FER: variants seen among roughly 807,000 people sequenced by gnomAD.
The protein encoded by FER is FER tyrosine kinase.
In FER, 63 loss-of-function variants were observed where a neutral mutation model predicts 111.0. The ratio of observed to expected loss-of-function variants is 0.57; its 90% CI spans 0.46 to 0.70. FER has a LOEUF of 0.70. FER is among the 30% of genes least tolerant of loss of function. The pLI, the probability that FER is intolerant of heterozygous loss-of-function variation, is 0.00. For missense variants in FER, 914 were observed against 954.0 expected, an observed-to-expected ratio of 0.96 and a Z score of 0.55; for synonymous variants, 327 against 313.9, an observed-to-expected ratio of 1.04 and a Z score of -0.44.
intron 13 of FER, among the ~76,000 whole-genome samples, chr5:109,030,902 C>T (rs530641519): frequency 6.6e-6 from 1 of 152,202 alleles, no homozygotes; most frequent in South Asian, 2.1e-4. Flanking sequence ...TGTTATTTCT[C>T]AGTTGGGAAG....
chr5:108,845,024 AT>A lies in FER; in HGVS notation c.481+9218del, dbSNP rs1561502998. Reference sequence around the variant, plus strand: ...TATATATATATATATATATATATATATATATATATATATATACATATATATA... The same window carrying A: ...TATATATATATATATATATATATATAATATATATATATATACATATATATA... On this transcript the variant is annotated intron_variant, in intron 5 of 19. Transcript: ENST00000281092. Among the ~76,000 whole-genome samples, 16 of 52,142 alleles carry A rather than the reference AT, an allele frequency of 3.1e-4. 1 individual carries two copies. Among genetic ancestry groups the A allele is most frequent in the African/African-American group, 1.1e-3 (16 of 14,968 alleles). The allele number at this position is 52,142 out of a possible 152,430, so 34.2% of individuals were successfully genotyped here. A position where few individuals can be genotyped will look rare whatever the true frequency, so the allele number is the denominator to read the frequency against.
chr5:108,786,523 C>CG (rs1341504041), intron 2 of FER, among the ~76,000 whole-genome samples: 1 of 152,046 alleles, frequency 6.6e-6, no homozygotes, highest in East Asian at 1.9e-4. Context: ...TTTTTTGAGA[C>CG]GGAGTCTTGC....
chr5:109,083,324 A>T (rs1322789722), intron 16 of FER, among the ~76,000 whole-genome samples: 2 of 152,030 alleles, frequency 1.3e-5, no homozygotes, highest in African/African-American at 4.8e-5. Flanking sequence ...CTTAATGAAA[A>T]TATTGAAAAG....
chr5:108,775,734 A>T (rs1466882716), intron 2 of FER, among the ~76,000 whole-genome samples: 1 of 152,220 alleles, frequency 6.6e-6, no homozygotes, highest in Non-Finnish European at 1.5e-5. Flanking sequence ...TTAAGAAAGC[A>T]TAGGAGGAGT....
chr5:109,147,852 A>G (rs1310004249), intron 17 of FER, among the ~76,000 whole-genome samples: 2 of 151,610 alleles, frequency 1.3e-5, no homozygotes, highest in Non-Finnish European at 2.9e-5. Flanking sequence ...TACTAGTGAA[A>G]CACACCAAAA....
chr5:108,838,678 G>A (rs929204213), intron 5 of FER, among the ~76,000 whole-genome samples: 1 of 152,078 alleles, frequency 6.6e-6, no homozygotes, highest in Non-Finnish European at 1.5e-5. Context: ...ACTCGTTTAT[G>A]TTTAGTATAA....
At position 109,187,823 on chromosome 5, in the gene FER, G is replaced by A; in HGVS notation, c.*248G>A. ...AGCAATCCTACCATTTCAGGCCATT[G>A]CAAATAGAAAAGCACAGGCTTCTAA... On this transcript the variant is annotated 3_prime_UTR_variant, in exon 20 of 20. Coordinates refer to ENST00000281092, the MANE Select transcript of FER (RefSeq NM_005246.4). 2 of 494,776 alleles carry A rather than the reference G, an allele frequency of 4.0e-6. No individual in the cohort carries two copies. Among genetic ancestry groups the A allele is most frequent in the Non-Finnish European group, 7.2e-6 (2 of 276,642 alleles). 30.6% of individuals were successfully genotyped at this position (494,776 alleles called of 1,614,324 possible). A position where few individuals can be genotyped will look rare whatever the true frequency, so the allele number is the denominator to read the frequency against.
intron 13 of FER, among the ~76,000 whole-genome samples, chr5:109,014,279 C>T (rs1766719942): frequency 6.6e-6 from 1 of 152,120 alleles, no homozygotes; most frequent in African/African-American, 2.4e-5. Flanking sequence ...AGGAAGGGAT[C>T]CAGTTTCAGC....
At chr5:108,907,879 T>C (rs369032138) in intron 10 of FER, among the ~76,000 whole-genome samples, 14 of 152,262 alleles carry the variant, frequency 9.2e-5, no homozygotes, top group African/African-American at 3.4e-4. Context: ...ATCAATTGAT[T>C]GACACCCAAA....
chr5:108,855,888 G>A (rs767718727), intron 5 of FER, among the ~76,000 whole-genome samples: 5 of 151,488 alleles, frequency 3.3e-5, no homozygotes, highest in African/African-American at 9.7e-5. Flanking sequence ...TCAGTTTTGC[G>A]GTAAAGGGGA....
intron 10 of FER, among the ~76,000 whole-genome samples, chr5:108,912,975 C>G (rs546851466): frequency 6.6e-6 from 1 of 152,076 alleles, no homozygotes; most frequent in Non-Finnish European, 1.5e-5. Context: ...ATCCAAGGAA[C>G]TTTGAGGCCT....
At chr5:108,857,928 T>A (rs1763155206) in intron 5 of FER, among the ~76,000 whole-genome samples, 1 of 152,210 alleles carries the variant, frequency 6.6e-6, no homozygotes, top group African/African-American at 2.4e-5. Context: ...CATCTTATAC[T>A]TTTCCTACTT....
chr5:109,139,725 A>G (rs1288087338), intron 17 of FER, among the ~76,000 whole-genome samples: 1 of 152,112 alleles, frequency 6.6e-6, no homozygotes, highest in Non-Finnish European at 1.5e-5. Context: ...TAATATGGGA[A>G]CACACATTTT....
At position 109,189,710 on chromosome 5, in the gene FER, A is replaced by T. The variant is rs1406041881; in HGVS notation, c.*2135A>T. 1 of 152,142 alleles carries T rather than the reference A, an allele frequency of 6.6e-6. No homozygotes were observed. The highest frequency in any genetic ancestry group is 2.4e-5 in the African/African-American group (1 of 41,434). 9.4% of individuals were successfully genotyped at this position (152,142 alleles called of 1,614,324 possible). A position where few individuals can be genotyped will look rare whatever the true frequency, so the allele number is the denominator to read the frequency against. Reference sequence around the variant, plus strand: ...TAATATTCTTTGTCTGTTTAAAGAAAACAGCCTCCCATCTCATAGTGGCTT... The same window carrying T: ...TAATATTCTTTGTCTGTTTAAAGAATACAGCCTCCCATCTCATAGTGGCTT... On this transcript the variant is annotated 3_prime_UTR_variant, in exon 20 of 20. Coordinates refer to ENST00000281092, the MANE Select transcript of FER (RefSeq NM_005246.4).
intron 13 of FER, among the ~76,000 whole-genome samples, chr5:109,003,959 G>A (rs72790520): frequency 6.6e-6 from 1 of 152,114 alleles, no homozygotes; most frequent in African/African-American, 2.4e-5. Context: ...CAGCCTGGGC[G>A]ACGGTGTAAG....
intron 16 of FER, among the ~76,000 whole-genome samples, chr5:109,062,641 G>A (rs1896582): frequency 0.16 from 25,032 of 151,988 alleles, 2,140 homozygotes; most frequent in South Asian, 0.21. Context: ...AATGAAAGAT[G>A]CCGTGATGAA....
chr5:108,783,180 G>A (rs1298859365), intron 2 of FER, among the ~76,000 whole-genome samples: 1 of 152,014 alleles, frequency 6.6e-6, no homozygotes, highest in East Asian at 1.9e-4. Flanking sequence ...GTTTGGATTG[G>A]GTGAATTCTG....
chr5:109,182,242 A>T (rs990804634), intron 18 of FER, among the ~76,000 whole-genome samples: 11 of 152,228 alleles, frequency 7.2e-5, no homozygotes, highest in African/African-American at 2.7e-4. Context: ...AATGTTTTCC[A>T]GATAAAGCTT....
chr5:108,823,178 C>G (rs1039926010), intron 3 of FER, among the ~76,000 whole-genome samples: 1 of 152,156 alleles, frequency 6.6e-6, no homozygotes, highest in African/African-American at 2.4e-5. Flanking sequence ...GGGGATCAAA[C>G]TTTAACGTGA....
Sources: allele counts gnomAD v4.1 joint callset (sites outside exome capture counted in the v4.1 genomes callset), GRCh38; gene constraint gnomAD v4.1.1; transcripts MANE v1.5; gene names NCBI Gene and HGNC (gene_info 2026-07-23, HGNC 2026-07-21).